SRSF11: variants seen among roughly 807,000 people sequenced by gnomAD.
SRSF11 encodes the protein serine/arginine-rich splicing factor 11.
A neutral mutation model predicts 56.0 loss-of-function variants in SRSF11; 9 were observed. That is an observed-to-expected ratio of 0.16 (90% CI 0.10 to 0.28). The LOEUF is 0.28. SRSF11 is among the 10% of genes least tolerant of loss of function. The pLI is 1.00. For missense variants in SRSF11, 421 were observed against 600.7 expected (o/e 0.70, Z 3.13); for synonymous variants, 222 against 215.3 (o/e 1.03, Z -0.27).
At chr1:70,226,954 A>G (rs1436316941) in intron 1 of SRSF11, among the ~76,000 whole-genome samples, 1 of 152,220 alleles carries the variant, frequency 6.6e-6, no homozygotes, top group Non-Finnish European at 1.5e-5. Flanking sequence ...AACATTCAAC[A>G]GTAAGCCTGT....
At chr1:70,217,961 GT>G (rs556501638), upstream of SRSF11, among the ~76,000 whole-genome samples, 17 of 147,504 alleles carry the variant, frequency 1.2e-4, 1 homozygote, top group South Asian at 3.1e-3. Context: ...ACAGGGGTGG[GT>G]TTTTTTTGTT....
intron 3 of SRSF11, among the ~76,000 whole-genome samples, chr1:70,233,305 CA>C (rs1673240801): frequency 6.6e-6 from 1 of 152,022 alleles, no homozygotes. Flanking sequence ...AGTGCAATAG[CA>C]CAGTCTCGGC....
chr1:70,221,653 T>C lies in SRSF11; in HGVS notation c.17T>C (p.Val6Ala). 1 of 1,611,604 alleles carries C rather than the reference T, an allele frequency of 6.2e-7. No homozygotes were observed. The highest frequency in any genetic ancestry group is 1.3e-5 in the African/African-American group (1 of 74,852). MSNTT[V>A]VPSTAGPGPS... Reference sequence around the variant, plus strand: ...AGCAGCGCCATGAGCAACACTACCGTCGTCCCCAGCACTGCAGGTCCGGGC... The same window carrying C: ...AGCAGCGCCATGAGCAACACTACCGCCGTCCCCAGCACTGCAGGTCCGGGC... Residue 6 changes from valine (V) to alanine (A), a missense_variant, in exon 1 of 12, where the codon GTC becomes GCC. Val to Ala is a moderately conservative substitution (Grantham distance 64, BLOSUM62 0). This residue lies in a region of SRSF11 where 168 missense variants were observed against 294.9 expected (regional missense o/e 0.57). Transcript: ENST00000370949.
Position 70,244,689 on chromosome 1 carries a change from C to T in SRSF11, c.806C>T (p.Ser269Leu). 1 of 1,613,738 alleles carries T rather than the reference C, an allele frequency of 6.2e-7. No homozygotes were observed. The highest frequency in any genetic ancestry group is 8.5e-7 in the Non-Finnish European group (1 of 1,179,804). ...GCTTCCTTTTACACTATTAGGCGGT[C>T]AAGAAGCAGATCGAGACGGCGGTCA... Reference protein sequence around the residue: ...RTPSSSRHRRSRSRSRRRSHS... With the variant: ...RTPSSSRHRRLRSRSRRRSHS... The change falls in exon 8 of 12, where the codon TCA (serine) becomes TTA (leucine). Residue 269 changes from serine to leucine, a missense_variant. By Grantham distance (145) the Ser-to-Leu change is moderately radical. Transcript: ENST00000370949.
intron 1 of SRSF11, among the ~76,000 whole-genome samples, chr1:70,209,740 C>CCTTTTTTTTTTTTTTTT (rs1669373589): frequency 3.6e-5 from 1 of 27,476 alleles, no homozygotes; most frequent in African/African-American, 1.5e-4. Flanking sequence ...CACCTCGCTT[C>CCTTTTTTTTTTTTTTTT]TTTTTTTTTT....
exon 1 of SRSF11, chr1:70,205,750 C>T: frequency 2.1e-6 from 1 of 473,412 alleles, no homozygotes; most frequent in Non-Finnish European, 3.8e-6. Context: ...TTGCCGGTGC[C>T]GGCCTAGCGT....
chr1:70,247,201 T>G, intron 9 of SRSF11: 1 of 716,704 alleles, frequency 1.4e-6, no homozygotes, highest in Non-Finnish European at 1.8e-6. Context: ...CATACTGAAT[T>G]GTTCCATTAA....
rs1183988230 is a variant in SRSF11 at position 70,250,993 on chromosome 1, A to AC, written c.*190dup. 79 of 543,634 alleles carry AC rather than the reference A, an allele frequency of 1.5e-4. No homozygotes were observed. The highest frequency in any genetic ancestry group is 2.4e-4 in the Non-Finnish European group (73 of 308,724). The allele number at this position is 543,634 out of a possible 1,614,324, so 33.7% of individuals were successfully genotyped here. ...AGCTTTTAGAAAATGGTACGAGGTAACCAATTCTTGTCATGGTGAAATCTG... is the reference window on the plus strand; with the variant it reads ...AGCTTTTAGAAAATGGTACGAGGTAACCCAATTCTTGTCATGGTGAAATCTG... On this transcript the variant is annotated 3_prime_UTR_variant, in exon 12 of 12. Coordinates refer to ENST00000370949, the MANE Select transcript of SRSF11 (RefSeq NM_001350605.2).
intron 1 of SRSF11, 61 bp from the exon 2 acceptor site, chr1:70,228,361 A>G: frequency 7.8e-7 from 1 of 1,289,648 alleles, no homozygotes; most frequent in Non-Finnish European, 1.1e-6. Context: ...TTGGTTTGTG[A>G]ATTAGCATTT....
At chr1:70,218,237 G>C (rs1265737047), upstream of SRSF11, among the ~76,000 whole-genome samples, 1 of 152,110 alleles carries the variant, frequency 6.6e-6, no homozygotes, top group Non-Finnish European at 1.5e-5. Context: ...CAAAGTGCTG[G>C]GATTACAGGC....
At chr1:70,244,537 A>G (rs1390586149) in intron 7 of SRSF11, 147 bp from the exon 8 acceptor site, 7 of 823,718 alleles carry the variant, frequency 8.5e-6, no homozygotes, top group African/African-American at 1.7e-5. Flanking sequence ...TGTTTGTTCT[A>G]TGGGCTAAAT....
intron 7 of SRSF11, among the ~76,000 whole-genome samples, chr1:70,243,825 G>A (rs1015052560): frequency 6.6e-6 from 1 of 152,162 alleles, no homozygotes; most frequent in Non-Finnish European, 1.5e-5. Context: ...AAGGTGGGCT[G>A]GTGGCTTGAG....
chr1:70,231,625 C>T (rs1050072873), intron 2 of SRSF11: 4 of 1,171,038 alleles, frequency 3.4e-6, no homozygotes, highest in Non-Finnish European at 4.3e-6. Flanking sequence ...CCCATGCACA[C>T]ATCCTGTGTG....
rs1467337282 is a variant in SRSF11, at chr1:70,252,543, T to C, written c.*1738T>C. ...ATGCCATATAGAAAAACAGCATTGT[T>C]TTTACAGTTTGTAGTAAGTAACTTT... On this transcript the variant is annotated 3_prime_UTR_variant, in exon 12 of 12. Transcript: ENST00000370949. 6.6e-6 allele frequency: 1 copy of C among 150,894 alleles called. No individual in the cohort carries two copies. Among genetic ancestry groups the C allele is most frequent in the Non-Finnish European group, 1.5e-5 (1 of 67,800 alleles). 9.3% of individuals were successfully genotyped at this position (150,894 alleles called of 1,614,324 possible).
intron 2 of SRSF11, 180 bp downstream of exon 2, chr1:70,228,735 G>A (rs964793872): frequency 1.3e-5 from 17 of 1,276,968 alleles, no homozygotes; most frequent in South Asian, 2.8e-5. Context: ...TTAGAAATTA[G>A]GTCTGTTATT....
intron 10 of SRSF11, 153 bp downstream of exon 10, chr1:70,250,200 A>T: frequency 7.7e-7 from 1 of 1,291,382 alleles, no homozygotes; most frequent in South Asian, 1.5e-5. Flanking sequence ...ACCATTAAGG[A>T]CTGAACATTT....
In SRSF11 at chr1:70,252,001, A is replaced by C. The variant is rs1678026786; in HGVS notation, c.*1196A>C. 1 of 152,584 alleles carries C rather than the reference A, an allele frequency of 6.6e-6. No individual in the cohort carries two copies. The highest frequency in any genetic ancestry group is 1.5e-5 in the Non-Finnish European group (1 of 68,006). 9.5% of individuals were successfully genotyped at this position (152,584 alleles called of 1,614,324 possible). A position where few individuals can be genotyped will look rare whatever the true frequency, so the allele number is the denominator to read the frequency against. ...CTTTGATAATAAAACCCTTAAACTT[A>C]TGTTCATGTTCCTGTAAAACCGTAT... On this transcript the variant is annotated 3_prime_UTR_variant, in exon 12 of 12. Coordinates refer to ENST00000370949, the MANE Select transcript of SRSF11 (RefSeq NM_001350605.2).
intron 10 of SRSF11, 34 bp downstream of exon 10, chr1:70,250,081 T>C (rs1464479702): frequency 1.3e-6 from 2 of 1,566,316 alleles, no homozygotes; most frequent in African/African-American, 1.4e-5. Context: ...GTATTTTTTA[T>C]ATTTTTCAGA....
intron 9 of SRSF11, 171 bp downstream of exon 9, chr1:70,247,078 T>C: frequency 9.0e-7 from 1 of 1,107,062 alleles, no homozygotes; most frequent in African/African-American, 1.6e-5. Flanking sequence ...AAGAATAATG[T>C]AGTTTATTTT....
Sources: allele counts gnomAD v4.1 joint callset (sites outside exome capture counted in the v4.1 genomes callset), GRCh38; gene constraint gnomAD v4.1.1; regional missense constraint gnomAD v4.1.1; transcripts MANE v1.5; gene names NCBI Gene and HGNC (gene_info 2026-07-23, HGNC 2026-07-21).